ROBO2: variants seen among roughly 807,000 people sequenced by gnomAD.
ROBO2 encodes the protein roundabout homolog 2.
Under a neutral mutation model 160.8 loss-of-function variants are expected in ROBO2, and 53 were observed. The ratio of observed to expected loss-of-function variants is 0.33; its 90% CI spans 0.26 to 0.41. The LOEUF (loss-of-function observed/expected upper bound fraction) is 0.41. Among genes scored for constraint, ROBO2 ranks in the 10% least tolerant of loss-of-function variants. The pLI, the probability that ROBO2 is intolerant of heterozygous loss-of-function variation, is 1.00. For missense variants in ROBO2, 1,577 were observed against 1,722.4 expected (o/e 0.92, Z 1.49); for synonymous variants, 664 against 611.7 (o/e 1.09, Z -1.26).
At chr3:76,867,398 A>G (rs576040757) in intron 2 of ROBO2, among the ~76,000 whole-genome samples, 2 of 152,284 alleles carry the variant, frequency 1.3e-5, no homozygotes, top group African/African-American at 4.8e-5. Context: ...ATGTTTATGT[A>G]TGTTATAGGA....
At chr3:76,665,487 A>G (rs1575810408) in intron 2 of ROBO2, among the ~76,000 whole-genome samples, 1 of 152,060 alleles carries the variant, frequency 6.6e-6, no homozygotes, top group Admixed American at 6.6e-5. Flanking sequence ...TAAAACTCCA[A>G]AGTCCTAGAC....
intron 2 of ROBO2, among the ~76,000 whole-genome samples, chr3:76,580,336 T>TG (rs2108713528): frequency 7.8e-6 from 1 of 127,584 alleles, no homozygotes; most frequent in African/African-American, 2.9e-5. Context: ...TTGTTTTTTT[T>TG]TTTGTGTTTT....
chr3:77,327,272 G>A (rs1360306545), intron 2 of ROBO2, among the ~76,000 whole-genome samples: 1 of 152,004 alleles, frequency 6.6e-6, no homozygotes, highest in African/African-American at 2.4e-5. Flanking sequence ...ATTCAATATC[G>A]GGAAGAAAAA....
intron 2 of ROBO2, among the ~76,000 whole-genome samples, chr3:77,202,844 A>G (rs909776237): frequency 3.3e-5 from 5 of 152,178 alleles, no homozygotes; most frequent in Admixed American, 1.3e-4. Flanking sequence ...CACCTTCTCA[A>G]GATCACATGA....
chr3:76,970,217 C>T (rs1342733174), intron 2 of ROBO2, among the ~76,000 whole-genome samples: 1 of 152,180 alleles, frequency 6.6e-6, no homozygotes, highest in African/African-American at 2.4e-5. Context: ...CATTTTGCTG[C>T]TCTGTGGCCA....
At chr3:75,974,549 A>G (rs1474670146) in intron 2 of ROBO2, among the ~76,000 whole-genome samples, 1 of 151,664 alleles carries the variant, frequency 6.6e-6, no homozygotes, top group Non-Finnish European at 1.5e-5. Context: ...TACTGTTGGT[A>G]TCAACAGACA....
chr3:77,516,280 T>C (rs1460064315), intron 5 of ROBO2, among the ~76,000 whole-genome samples: 1 of 151,700 alleles, frequency 6.6e-6, no homozygotes, highest in Non-Finnish European at 1.5e-5. Context: ...TTTGTATATG[T>C]ACATTTTCTA....
In ROBO2 at chr3:76,322,908, G is replaced by A. The variant is rs143403355; in HGVS notation, c.109+385306G>A. 4.5e-3 allele frequency among the ~76,000 whole-genome samples: 678 copies of A among 151,952 alleles called. 2 individuals are homozygous for A. Among genetic ancestry groups the A allele is most frequent in the Admixed American group, 5.2e-3 (79 of 15,256 alleles). On this transcript the variant is annotated intron_variant, in intron 2 of 26. Coordinates refer to the ROBO2 transcript ENST00000487694. ...GTTTGCTAAATTTATTTGAAATATC[G>A]CCAAGAAATAACAGAGACACTGAAT... is the stretch of plus-strand genomic sequence containing the variant.
At chr3:76,677,053 T>C (rs1461954600) in intron 2 of ROBO2, among the ~76,000 whole-genome samples, 1 of 152,108 alleles carries the variant, frequency 6.6e-6, no homozygotes, top group Non-Finnish European at 1.5e-5. Context: ...AAACTGGTAC[T>C]GTATACAAGT....
At chr3:77,246,924 T>A (rs1382748245) in intron 2 of ROBO2, among the ~76,000 whole-genome samples, 4 of 152,186 alleles carry the variant, frequency 2.6e-5, no homozygotes, top group African/African-American at 9.7e-5. Context: ...ATTTACATGT[T>A]TATTGGGCTC....
At chr3:76,548,650 T>TA (rs1254956017) in intron 2 of ROBO2, among the ~76,000 whole-genome samples, 2 of 151,262 alleles carry the variant, frequency 1.3e-5, no homozygotes, top group African/African-American at 4.9e-5. Context: ...TTTTTTTTTT[T>TA]AATAGACGGG....
chr3:76,812,954 C>T (rs1266617348), intron 2 of ROBO2, among the ~76,000 whole-genome samples: 1 of 118,210 alleles, frequency 8.5e-6, no homozygotes, highest in Non-Finnish European at 1.6e-5. Flanking sequence ...TCATCCATGA[C>T]ACAAATCAAA....
chr3:75,938,462 T>G (rs1947896188), intron 2 of ROBO2, among the ~76,000 whole-genome samples: 1 of 152,086 alleles, frequency 6.6e-6, no homozygotes, highest in Non-Finnish European at 1.5e-5. Context: ...CTTTTCCTTT[T>G]GGGGCAAGTA....
intron 2 of ROBO2, among the ~76,000 whole-genome samples, chr3:76,277,664 C>A (rs1708005782): frequency 6.6e-6 from 1 of 151,890 alleles, no homozygotes; most frequent in African/African-American, 2.4e-5. Context: ...ATCAATAATA[C>A]AGTCATTAAA....
At chr3:77,557,828 T>C in intron 8 of ROBO2, 116 bp from the exon 10 acceptor site, 1 of 790,066 alleles carries the variant, frequency 1.3e-6, no homozygotes, top group Admixed American at 2.0e-5. Flanking sequence ...TTGCTTAGAA[T>C]AAGTTATAAG....
At chr3:76,604,790 T>A (rs1014717481) in intron 2 of ROBO2, among the ~76,000 whole-genome samples, 2 of 152,130 alleles carry the variant, frequency 1.3e-5, no homozygotes, top group African/African-American at 4.8e-5. Flanking sequence ...AGTACAGCAA[T>A]GTATAGTTAG....
chr3:77,590,343 C>T (rs557498812), intron 17 of ROBO2, among the ~76,000 whole-genome samples: 3 of 152,262 alleles, frequency 2.0e-5, no homozygotes, highest in African/African-American at 7.2e-5. Flanking sequence ...ATCACTTCAA[C>T]AGTGAAGGAT....
At chr3:75,980,913 A>AAATT (rs34243304) in intron 2 of ROBO2, among the ~76,000 whole-genome samples, 116,383 of 150,916 alleles carry the variant, frequency 0.77, 46,041 homozygotes, top group East Asian at 0.97. Context: ...ATGTTAAAAT[A>AAATT]AATATTTACA....
chr3:76,575,619 C>T (rs942356825), intron 2 of ROBO2, among the ~76,000 whole-genome samples: 4 of 152,044 alleles, frequency 2.6e-5, no homozygotes, highest in African/African-American at 9.7e-5. Flanking sequence ...AAAAATACGA[C>T]TTGTTCTCTA....
Sources: gnomAD v4.1 joint callset for allele counts (sites outside exome capture counted in the v4.1 genomes callset) on GRCh38, gnomAD v4.1.1 for gene constraint, MANE v1.5 for transcripts, NCBI Gene and HGNC (gene_info 2026-07-23, HGNC 2026-07-21) for gene names.